The following FANCC variants were observed in gnomAD, a reference collection of about 807,000 sequenced individuals.
FANCC encodes Fanconi anemia group C protein.
A neutral mutation model predicts 71.3 loss-of-function variants in FANCC; 55 were observed. The observed-to-expected ratio is 0.77, with a 90% CI of 0.62 to 0.97. The LOEUF is 0.97. Among genes scored for constraint, FANCC ranks in the 50% least tolerant of loss-of-function variants. The probability of loss-of-function intolerance (pLI) is 0.00; values close to 1 mark genes in which losing one functional copy is unlikely to be tolerated. For missense variants in FANCC, 678 were observed against 670.9 expected (o/e 1.01, Z -0.12); for synonymous variants, 275 against 244.9 (o/e 1.12, Z -1.15).
At chr9:95,107,532 A>C (rs1054644083) in intron 13 of FANCC, 1 of 561,368 alleles carries the variant, frequency 1.8e-6, no homozygotes, top group Admixed American at 3.1e-5. Context: ...GTATAAAAGG[A>C]AACAGAGAAA....
intron 4 of FANCC, among the ~76,000 whole-genome samples, chr9:95,224,691 G>A (rs1164623534): frequency 6.6e-6 from 1 of 152,058 alleles, no homozygotes; most frequent in Non-Finnish European, 1.5e-5. Flanking sequence ...CCTTATTTAA[G>A]TGGAATCATA....
At position 95,099,519 on chromosome 9, in the gene FANCC, G is replaced by A. The variant is rs2071011844; in HGVS notation, c.*2188C>T. 1 of 229,536 alleles carries A rather than the reference G, an allele frequency of 4.4e-6. No individual in the cohort carries two copies. The highest frequency in any genetic ancestry group is 5.7e-5 in the Admixed American group (1 of 17,580). The allele number at this position is 229,536 out of a possible 1,614,324, so 14.2% of individuals were successfully genotyped here. ...CCGAAATCGAAGGCAACAAGAGGGGGAGGTGGGCTTAAGAGTGCCTGCCCG... is the reference window on the plus strand; with the variant it reads ...CCGAAATCGAAGGCAACAAGAGGGGAAGGTGGGCTTAAGAGTGCCTGCCCG... On this transcript the variant is annotated 3_prime_UTR_variant, in exon 15 of 15. Transcript: ENST00000289081.
chr9:95,104,018 G>A (rs145648959), intron 14 of FANCC, among the ~76,000 whole-genome samples: 1 of 152,034 alleles, frequency 6.6e-6, no homozygotes, highest in East Asian at 1.9e-4. Flanking sequence ...CCTGAGGGTG[G>A]AGAGACCCAA....
intron 7 of FANCC, among the ~76,000 whole-genome samples, chr9:95,142,702 G>A (rs1828945330): frequency 6.6e-6 from 1 of 152,138 alleles, no homozygotes. Context: ...TTAACTCTCA[G>A]AAGTGGCATG....
chr9:95,259,785 T>C (rs538793884), intron 1 of FANCC, among the ~76,000 whole-genome samples: 1 of 152,202 alleles, frequency 6.6e-6, no homozygotes, highest in African/African-American at 2.4e-5. Flanking sequence ...ATTTTTGCAA[T>C]CTATCCATCT....
chr9:95,170,211 T>C (rs1825574795), intron 6 of FANCC, among the ~76,000 whole-genome samples: 1 of 152,152 alleles, frequency 6.6e-6, no homozygotes, highest in Admixed American at 6.5e-5. Context: ...GACATGTAAA[T>C]AAATAAATCT....
intron 1 of FANCC, among the ~76,000 whole-genome samples, chr9:95,273,265 T>C (rs983912324): frequency 1.3e-5 from 2 of 152,214 alleles, no homozygotes; most frequent in African/African-American, 2.4e-5. Context: ...TTTGTACTGA[T>C]TATCAACCTT....
chr9:95,260,905 C>A (rs1170347107), intron 1 of FANCC, among the ~76,000 whole-genome samples: 3 of 152,122 alleles, frequency 2.0e-5, no homozygotes, highest in African/African-American at 7.2e-5. Context: ...AAACCACCCA[C>A]CAGGATGGGC....
intron 4 of FANCC, among the ~76,000 whole-genome samples, chr9:95,214,698 C>T (rs1169639294): frequency 6.6e-5 from 10 of 152,166 alleles, no homozygotes; most frequent in Admixed American, 6.5e-5. Flanking sequence ...TTCTGACTTA[C>T]GTTAGAACAT....
At chr9:95,144,137 G>A (rs143569945) in intron 7 of FANCC, among the ~76,000 whole-genome samples, 6 of 152,188 alleles carry the variant, frequency 3.9e-5, no homozygotes, top group African/African-American at 1.4e-4. Context: ...TCTGGGGAGG[G>A]GGGGCTGGGC....
At chr9:95,207,076 A>G (rs1828176764) in intron 4 of FANCC, among the ~76,000 whole-genome samples, 1 of 152,002 alleles carries the variant, frequency 6.6e-6, no homozygotes, top group Non-Finnish European at 1.5e-5. Context: ...GTTTTTTTTA[A>G]AGGTCAAGTC....
intron 4 of FANCC, among the ~76,000 whole-genome samples, chr9:95,181,897 C>T (rs749819477): frequency 1.1e-4 from 17 of 152,170 alleles, no homozygotes; most frequent in Non-Finnish European, 2.5e-4. Flanking sequence ...AGAGGGAAAT[C>T]CACTGCCCTT....
intron 13 of FANCC, chr9:95,110,240 A>ATAAT (rs2071806028): frequency 2.0e-6 from 2 of 1,005,126 alleles, no homozygotes; most frequent in Non-Finnish European, 2.4e-6. Context: ...GTGTTATTGA[A>ATAAT]TAATTTATTT....
intron 6 of FANCC, among the ~76,000 whole-genome samples, chr9:95,169,007 G>T (rs1825489763): frequency 6.6e-6 from 1 of 152,174 alleles, no homozygotes; most frequent in Non-Finnish European, 1.5e-5. Flanking sequence ...CTGTGCTTGT[G>T]TTCAAGTAAC....
At chr9:95,301,175 AACACACACACAC>A (rs146415585) in intron 1 of FANCC, among the ~76,000 whole-genome samples, 5 of 145,986 alleles carry the variant, frequency 3.4e-5, no homozygotes, top group East Asian at 4.0e-4. Flanking sequence ...TAACCATCAA[AACACACACACAC>A]ACACACACAC....
intron 6 of FANCC, among the ~76,000 whole-genome samples, chr9:95,158,969 C>T (rs1024780153): frequency 2.0e-5 from 3 of 151,854 alleles, no homozygotes; most frequent in African/African-American, 7.3e-5. Flanking sequence ...ACTAAGGACA[C>T]GGATGTCCTA....
In FANCC at chr9:95,099,091, TAGAC is replaced by T. The variant is rs1173396531; in HGVS notation, c.*2612_*2615del. The T allele has an allele frequency of 5.1e-6, 1 of 195,224 alleles. No homozygotes were observed. The highest frequency in any genetic ancestry group is 2.3e-5 in the African/African-American group (1 of 43,058). 12.1% of individuals were successfully genotyped at this position (195,224 alleles called of 1,614,324 possible). A position where few individuals can be genotyped will look rare whatever the true frequency, so the allele number is the denominator to read the frequency against. ...TGAAGTTTTATTTAGAATGAAAAAA[TAGAC>T]AACAAATTACAGATTTTAAAGAGCT... On this transcript the variant is annotated 3_prime_UTR_variant, in exon 15 of 15. Transcript: ENST00000289081.
intron 8 of FANCC, among the ~76,000 whole-genome samples, chr9:95,132,571 G>A (rs1827070363): frequency 6.6e-6 from 1 of 152,168 alleles, no homozygotes; most frequent in African/African-American, 2.4e-5. Flanking sequence ...CTTGATGTAG[G>A]AGCTACCAAC....
chr9:95,119,836 C>T (rs967515471), intron 10 of FANCC, among the ~76,000 whole-genome samples: 5 of 152,114 alleles, frequency 3.3e-5, no homozygotes, highest in Admixed American at 1.3e-4. Context: ...CTCAGCCTCC[C>T]GAGTAGCTAG....
Sources: gnomAD v4.1 joint callset for allele counts (sites outside exome capture counted in the v4.1 genomes callset) on GRCh38, gnomAD v4.1.1 for gene constraint, MANE v1.5 for transcripts, NCBI Gene and HGNC (gene_info 2026-07-23, HGNC 2026-07-21) for gene names.